Variants in NUTM2F observed in about 807,000 individuals in gnomAD.
NUTM2F encodes the protein NUT family member 2F, also known as family with sequence similarity 22, member F.
A neutral mutation model predicts 43.3 loss-of-function variants in NUTM2F; 22 were observed. The ratio of observed to expected loss-of-function variants is 0.51; its 90% CI spans 0.36 to 0.73. The LOEUF is 0.73. NUTM2F is among the 30% of genes least tolerant of loss of function. The pLI, the probability that NUTM2F is intolerant of heterozygous loss-of-function variation, is 0.00. For missense variants in NUTM2F, 488 were observed against 927.4 expected (o/e 0.53, Z 6.15); for synonymous variants, 202 against 389.0 (o/e 0.52, Z 5.66).
chr9:94,322,234 A>C lies in NUTM2F; in HGVS notation c.809T>G (p.Phe270Cys). Residue 270 changes from phenylalanine (F) to cysteine (C), a missense_variant, in exon 3 of 7, where the codon TTT (phenylalanine) becomes TGT (cysteine). Physicochemically the swap from Phe to Cys is radical, Grantham distance 205 (BLOSUM62 -2). Coordinates refer to ENST00000253262, the MANE Select transcript of NUTM2F (RefSeq NM_017561.2). Reference protein sequence around the residue: ...AMREWQHTSNFDRMIFYEMAE... With the variant: ...AMREWQHTSNCDRMIFYEMAE... ...CATCTCGTAGAAGATCATCCGGTCA[A>C]AGTTGCTCGTGTGCTGCCATTCCCG... 3 of 1,612,034 alleles carry C rather than the reference A, an allele frequency of 1.9e-6. No homozygotes were observed. The highest frequency in any genetic ancestry group is 2.5e-6 in the Non-Finnish European group (3 of 1,179,876).
chr9:94,321,281 C>T (rs1831362701), intron 3 of NUTM2F, 49 bp from the exon 4 acceptor site: 5 of 1,548,748 alleles, frequency 3.2e-6, no homozygotes, highest in Non-Finnish European at 4.3e-6. Context: ...CAGGCCCCCT[C>T]CCCCCAGGAC....
chr9:94,326,207 C>T (rs936431894), intron 1 of NUTM2F, among the ~76,000 whole-genome samples: 4 of 151,942 alleles, frequency 2.6e-5, no homozygotes, highest in African/African-American at 9.7e-5. Flanking sequence ...CTCGGGTGTC[C>T]CTGGCAGACT....
At chr9:94,323,444 G>A (rs1400703531) in intron 2 of NUTM2F, among the ~76,000 whole-genome samples, 2 of 152,158 alleles carry the variant, frequency 1.3e-5, no homozygotes, top group Non-Finnish European at 2.9e-5. Flanking sequence ...CAGGGACTGG[G>A]AATGAAACCA....
At position 94,325,954 on chromosome 9, in the gene NUTM2F, A is replaced by C. The variant is rs779550331; in HGVS notation, c.17-20T>G. On this transcript the variant is annotated intron_variant, in intron 1 of 6. Transcript: ENST00000253262. Reference sequence around the variant, plus strand: ...GGTATGCTGTGGAGACAAAGGAAAGAGGTGAATGAGCTGGCGTCTCCAGGT... The same window carrying C: ...GGTATGCTGTGGAGACAAAGGAAAGCGGTGAATGAGCTGGCGTCTCCAGGT... The C allele has an allele frequency of 2.5e-6, 4 of 1,610,940 alleles. No individual in the cohort carries two copies. Among genetic ancestry groups the C allele is most frequent in the Non-Finnish European group, 3.4e-6 (4 of 1,179,424 alleles).
rs1831475884 is a variant in NUTM2F, at chr9:94,328,364, C to T, written c.16+244G>A. ...CCTCTAGAAAGGATCAACCCATCCT[C>T]TCCATCCTTTCCACTACACGGTGTA... On this transcript the variant is annotated intron_variant, in intron 1 of 6. Transcript: ENST00000253262. 2.0e-5 allele frequency among the ~76,000 whole-genome samples: 3 copies of T among 152,276 alleles called. No homozygotes were observed. The South Asian group carries it at 6.2e-4, about 32-fold the overall frequency.
intron 2 of NUTM2F, among the ~76,000 whole-genome samples, chr9:94,323,997 C>T (rs187184435): frequency 2.6e-5 from 4 of 152,264 alleles, no homozygotes; most frequent in South Asian, 2.1e-4. Context: ...AGGGTGGGTG[C>T]GGTGGCTCAC....
chr9:94,319,027 G>A lies in NUTM2F; in HGVS notation c.1709C>T (p.Ala570Val). The change falls in exon 7 of 7, where the codon GCC becomes GTC. Residue 570 changes from alanine to valine, a missense_variant. Coordinates refer to ENST00000253262, the MANE Select transcript of NUTM2F (RefSeq NM_017561.2). ...AAGCACAGCAGGGTCTTCGGACCTGGCCATGCCAGTGCGCACTCTGCCCTG... is the reference window on the plus strand; with the variant it reads ...AAGCACAGCAGGGTCTTCGGACCTGACCATGCCAGTGCGCACTCTGCCCTG... ...QGQGRVRTGM[A>V]RSEDPAVLLG... 2 of 1,595,374 alleles carry A rather than the reference G, an allele frequency of 1.3e-6. No individual in the cohort carries two copies. The highest frequency in any genetic ancestry group is 1.1e-5 in the South Asian group (1 of 89,810).
intron 1 of NUTM2F, 120 bp downstream of exon 1, chr9:94,328,488 T>A: frequency 3.2e-6 from 5 of 1,545,800 alleles, no homozygotes; most frequent in Non-Finnish European, 4.5e-6. Flanking sequence ...CCTGGGGACA[T>A]CCAGTGCTCC....
chr9:94,328,266 C>T (rs972636337), intron 1 of NUTM2F, among the ~76,000 whole-genome samples: 173 of 151,938 alleles, frequency 1.1e-3, no homozygotes, highest in Non-Finnish European at 2.2e-3. Context: ...CAGGCTTGCC[C>T]GTCATTCTCC....
chr9:94,322,484 A>T (rs1490633666), intron 2 of NUTM2F, among the ~76,000 whole-genome samples, 155 bp from the exon 3 acceptor site: 6 of 151,646 alleles, frequency 4.0e-5, no homozygotes, highest in Non-Finnish European at 8.8e-5. Flanking sequence ...TCCAGGACAC[A>T]CCCCCAAGAT....
Position 94,325,845 on chromosome 9 carries a change from C to T in NUTM2F, c.106G>A (p.Gly36Ser), listed in dbSNP as rs752732899. 2.3e-5 allele frequency: 37 copies of T among 1,611,846 alleles called. No individual in the cohort carries two copies. The highest frequency in any genetic ancestry group is 2.2e-4 in the Middle Eastern group (1 of 4,608). The change falls in exon 2 of 7, where the codon GGC (glycine) becomes AGC (serine). Residue 36 changes from glycine to serine, a missense_variant. Physicochemically the swap from Gly to Ser is moderately conservative, Grantham distance 56. Coordinates refer to ENST00000253262, the MANE Select transcript of NUTM2F (RefSeq NM_017561.2). ...ACGAGGGGCGGCCTGTGTGCTGGGC[C>T]GGGAGCGGGTGTGGCAAAGGGCAGA... Reference protein sequence around the residue: ...TALPFATPAPGPAHRPPLVTA... With the variant: ...TALPFATPAPSPAHRPPLVTA...
intron 2 of NUTM2F, among the ~76,000 whole-genome samples, chr9:94,322,612 T>C (rs887964413): frequency 1.1e-4 from 17 of 152,240 alleles, no homozygotes; most frequent in African/African-American, 4.1e-4. Context: ...CCAACATTCC[T>C]GTGCTGAAGC....
intron 4 of NUTM2F, 28 bp downstream of exon 4, chr9:94,321,065 G>A: frequency 6.5e-7 from 1 of 1,538,586 alleles, no homozygotes; most frequent in Non-Finnish European, 8.7e-7. Flanking sequence ...CTTTGCCATG[G>A]CTCCTGTGGG....
rs1416910668 is a variant in NUTM2F, at chr9:94,319,627, G to A, written c.1471C>T (p.Leu491Phe). ...CGCTGCTCTACCTGGGCAAGGGTGA[G>A]TCCTTCCTCCTGCTCCAGCTCCTGG... ...LSQELEQEEG[L>F]TLAQLVEKRL... The change falls in exon 6 of 7, where the codon CTC becomes TTC. Residue 491 changes from leucine to phenylalanine, a missense_variant. Transcript: ENST00000253262. 1.2e-6 allele frequency: 2 copies of A among 1,612,336 alleles called. No individual in the cohort carries two copies.
Position 94,320,855 on chromosome 9 carries a change from CA to C in NUTM2F, c.982+237del, listed in dbSNP as rs1831353687. 6.6e-6 allele frequency among the ~76,000 whole-genome samples: 1 copy of C among 152,190 alleles called. No homozygotes were observed. Among genetic ancestry groups the C allele is most frequent in the Middle Eastern group, 3.2e-3 (1 of 316 alleles). On this transcript the variant is annotated intron_variant, in intron 4 of 6. Coordinates refer to ENST00000253262, the MANE Select transcript of NUTM2F (RefSeq NM_017561.2). The surrounding 1 kb of genome is among the most constrained non-coding windows in gnomAD (Gnocchi z 4.5). Reference sequence around the variant, plus strand: ...GGCAGAGCATATGTGGAGTTTTGGACAGGCAAGGGGAGAGAGAAAGTAGGAA... The same window carrying C: ...GGCAGAGCATATGTGGAGTTTTGGACGGCAAGGGGAGAGAGAAAGTAGGAA...
chr9:94,324,831 T>C (rs1831429399), intron 2 of NUTM2F, among the ~76,000 whole-genome samples: 1 of 149,434 alleles, frequency 6.7e-6, no homozygotes, highest in South Asian at 2.1e-4. Flanking sequence ...TCTCTACGAA[T>C]ACAAAATTGG....
Position 94,325,727 on chromosome 9 carries a change from C to T in NUTM2F, c.224G>A (p.Gly75Glu). 1 of 1,611,896 alleles carries T rather than the reference C, an allele frequency of 6.2e-7. No homozygotes were observed. The highest frequency in any genetic ancestry group is 8.5e-7 in the Non-Finnish European group (1 of 1,179,854). Residue 75 changes from glycine (G) to glutamate (E), a missense_variant, in exon 2 of 7, where the codon GGG becomes GAG. Physicochemically the swap from Gly to Glu is moderately conservative, Grantham distance 98. Coordinates refer to ENST00000253262, the MANE Select transcript of NUTM2F (RefSeq NM_017561.2). The stretch of plus-strand genomic sequence containing the variant: ...GACAAAGACGTTGGAAGCCCCGGCC[C>T]CACTCGGGCCGCGGCCATCCTGTCC... ...VAGQDGRGPS[G>E]AGASNVFVQM...
intron 1 of NUTM2F, among the ~76,000 whole-genome samples, chr9:94,326,696 A>G (rs1037123438): frequency 7.0e-6 from 1 of 142,008 alleles, no homozygotes; most frequent in Non-Finnish European, 1.5e-5. Flanking sequence ...GTGAGCCGAG[A>G]TCGTGCCACT....
intron 3 of NUTM2F, 29 bp downstream of exon 3, chr9:94,322,172 G>C: frequency 6.2e-7 from 1 of 1,611,690 alleles, no homozygotes; most frequent in Non-Finnish European, 8.5e-7. Flanking sequence ...CCCGCCACAC[G>C]GGCCCTGCCC....
Sources: gnomAD v4.1 joint callset for allele counts (sites outside exome capture counted in the v4.1 genomes callset) on GRCh38, gnomAD v4.1.1 for gene constraint, Gnocchi (gnomAD v3.1) non-coding constraint, MANE v1.5 for transcripts, NCBI Gene and HGNC (gene_info 2026-07-23, HGNC 2026-07-21) for gene names.